RBM39: variants seen among roughly 807,000 people sequenced by gnomAD.
RBM39 encodes RNA binding motif protein 39, also known as RNA-binding protein 39.
In RBM39, 12 loss-of-function variants were observed where a neutral mutation model predicts 79.6. The observed-to-expected ratio is 0.15, with a 90% CI of 0.10 to 0.24. RBM39 has a LOEUF of 0.24. Ranked by LOEUF, RBM39 falls within the 10% of genes least tolerant of loss-of-function variation. The probability of loss-of-function intolerance (pLI) is 1.00; values close to 1 mark genes in which losing one functional copy is unlikely to be tolerated. For missense variants in RBM39, 243 were observed against 653.4 expected, an observed-to-expected ratio of 0.37 and a Z score of 6.85; for synonymous variants, 185 against 208.4, an observed-to-expected ratio of 0.89 and a Z score of 0.97.
At chr20:35,735,229 G>A (rs2039781230) in intron 3 of RBM39, 1 of 1,222,956 alleles carries the variant, frequency 8.2e-7, no homozygotes, top group South Asian at 2.2e-5. Context: ...AATGGACGCT[G>A]ATTTAGACTT....
At chr20:35,719,276 C>T (rs750038201) in intron 9 of RBM39, among the ~76,000 whole-genome samples, 4 of 152,114 alleles carry the variant, frequency 2.6e-5, no homozygotes, top group Admixed American at 6.5e-5. Context: ...AAGTGATCCA[C>T]CCGACTCGGC....
rs574794407 is a variant in RBM39 at position 35,725,661 on chromosome 20, T to C, written c.417-506A>G. The stretch of plus-strand genomic sequence containing the variant: ...CATAATTCCCAAACCCATTTTCTTT[T>C]TTTTTTTTTTTTTTTTCCAGAGGAA... On this transcript the variant is annotated intron_variant, in intron 6 of 16. Coordinates refer to ENST00000253363, the MANE Select transcript of RBM39 (RefSeq NM_184234.3). Among the ~76,000 whole-genome samples the C allele has an allele frequency of 3.3e-3, 453 of 138,882 alleles. 1 individual carries two copies. Among genetic ancestry groups the C allele is most frequent in the Non-Finnish European group, 4.3e-3 (280 of 64,852 alleles). 91.1% of individuals were successfully genotyped at this position (138,882 alleles called of 152,430 possible). A position where few individuals can be genotyped will look rare whatever the true frequency, so the allele number is the denominator to read the frequency against.
chr20:35,724,836 A>T, intron 7 of RBM39, 114 bp from the exon 8 acceptor site: 6 of 1,283,970 alleles, frequency 4.7e-6, no homozygotes, highest in Non-Finnish European at 6.5e-6. Context: ...TAAAAAAGTA[A>T]ATCTGTAGGA....
At chr20:35,734,433 C>T (rs147439399) in intron 3 of RBM39, 64 of 271,230 alleles carry the variant, frequency 2.4e-4, no homozygotes, top group Admixed American at 5.0e-4. Flanking sequence ...CTCTGTGACA[C>T]TATTCCAACT....
At chr20:35,727,187 A>C (rs1424519001) in intron 6 of RBM39, among the ~76,000 whole-genome samples, 4 of 151,934 alleles carry the variant, frequency 2.6e-5, no homozygotes, top group Admixed American at 2.6e-4. Flanking sequence ...CTCTACAAAA[A>C]AAAAATAGAA....
chr20:35,707,050 A>AT (rs1164900412), intron 14 of RBM39, 70 bp downstream of exon 14: 473 of 700,962 alleles, frequency 6.7e-4, no homozygotes, highest in Middle Eastern at 1.4e-3. Flanking sequence ...AAAAAAAAAA[A>AT]AGAGAAATAT....
chr20:35,701,714 A>G lies in RBM39; in HGVS notation c.*2767T>C, dbSNP rs1033740068. ...GGTTGCAGTGAGCTGAGATCGAGCC[A>G]TTGCACTCCAGCCTGGGCGACAGAG... On this transcript the variant is annotated 3_prime_UTR_variant, in exon 17 of 17. Coordinates refer to ENST00000253363, the MANE Select transcript of RBM39 (RefSeq NM_184234.3). 2 of 152,152 alleles carry G rather than the reference A, an allele frequency of 1.3e-5. No individual in the cohort carries two copies. Among genetic ancestry groups the G allele is most frequent in the Admixed American group, 1.3e-4 (2 of 15,262 alleles). The allele number at this position is 152,152 out of a possible 1,614,324, so 9.4% of individuals were successfully genotyped here.
At chr20:35,736,499 T>C (rs1025922050) in intron 3 of RBM39, 7 of 437,750 alleles carry the variant, frequency 1.6e-5, no homozygotes, top group African/African-American at 8.3e-5. Context: ...TTTTATGAAA[T>C]TTTATCAACC....
chr20:35,707,645 A>G (rs895461151), intron 13 of RBM39: 1 of 181,084 alleles, frequency 5.5e-6, no homozygotes. Flanking sequence ...TTTTAAATCT[A>G]CAAATTATTA....
rs2039116136 is a variant in RBM39 at position 35,729,370 on chromosome 20, A to G, written c.363-5T>C. ...TTGCTTCGGGAACGTCGTCTGCTGCAAAGTTAAAAAGTTTCAGAAGTTATC... is the reference window on the plus strand; with the variant it reads ...TTGCTTCGGGAACGTCGTCTGCTGCGAAGTTAAAAAGTTTCAGAAGTTATC... On this transcript the variant is annotated splice_polypyrimidine_tract_variant and splice_region_variant and intron_variant, in intron 5 of 16. Transcript: ENST00000253363. 1 of 1,606,054 alleles carries G rather than the reference A, an allele frequency of 6.2e-7. No homozygotes were observed. The highest frequency in any genetic ancestry group is 8.5e-7 in the Non-Finnish European group (1 of 1,178,214).
chr20:35,723,173 G>GT (rs1368796981), intron 8 of RBM39, among the ~76,000 whole-genome samples: 1 of 150,708 alleles, frequency 6.6e-6, no homozygotes, highest in East Asian at 1.9e-4. Flanking sequence ...ACATAAAACT[G>GT]TATCACCAAG....
chr20:35,719,555 T>C (rs2037633018), intron 9 of RBM39, among the ~76,000 whole-genome samples: 1 of 151,860 alleles, frequency 6.6e-6, no homozygotes, highest in Admixed American at 6.6e-5. Context: ...TCAGAGCCTG[T>C]AATCCCAGCT....
Position 35,726,206 on chromosome 20 carries a change from A to G in RBM39, c.417-1051T>C, listed in dbSNP as rs1321142760. On this transcript the variant is annotated intron_variant, in intron 6 of 16. Transcript: ENST00000253363. ...GAGTGCAGTGGCGCAATCTCGGCTC[A>G]CTGCAACCTCCGCCTCCAGGGTTCA... Among the ~76,000 whole-genome samples, 7 of 151,802 alleles carry G rather than the reference A, an allele frequency of 4.6e-5. No homozygotes were observed. In the East Asian group the frequency reaches 1.4e-3, roughly 29 times the overall value.
rs929904376 is a variant in RBM39 at position 35,725,101 on chromosome 20, A to G, written c.471T>C (p.Cys157=). Residue 157 remains cysteine, a synonymous_variant, in exon 7 of 17, where the codon TGT becomes TGC. Transcript: ENST00000253363. ...PEERDARTVF[C]MQLAARIRPR... ...GTCGAATTCTTGCCGCCAGCTGCATACAGAAGACTGTCCTTGCATCTCTTT... is the reference window on the plus strand; with the variant it reads ...GTCGAATTCTTGCCGCCAGCTGCATGCAGAAGACTGTCCTTGCATCTCTTT... 1 of 1,611,788 alleles carries G rather than the reference A, an allele frequency of 6.2e-7. No homozygotes were observed. The highest frequency in any genetic ancestry group is 1.3e-5 in the African/African-American group (1 of 75,000).
chr20:35,722,056 GGAGGTA>G (rs1378152797), intron 8 of RBM39, among the ~76,000 whole-genome samples, 179 bp from the exon 9 acceptor site: 1 of 152,104 alleles, frequency 6.6e-6, no homozygotes, highest in Non-Finnish European at 1.5e-5. Flanking sequence ...TTCAGAAAGA[GGAGGTA>G]GATAACATTT....
At chr20:35,737,926 G>A (rs148309105) in intron 3 of RBM39, among the ~76,000 whole-genome samples, 30 of 150,802 alleles carry the variant, frequency 2.0e-4, no homozygotes, top group African/African-American at 7.1e-4. Context: ...GGCCACAGCA[G>A]GAGGATCATG....
chr20:35,709,151 T>C lies in RBM39; in HGVS notation c.1225+73A>G, dbSNP rs896463659. ...ACTGGTATAAAAATATGACAATAAATATAGAAAACTGTCTTACTACATTTA... is the reference window on the plus strand; with the variant it reads ...ACTGGTATAAAAATATGACAATAAACATAGAAAACTGTCTTACTACATTTA... On this transcript the variant is annotated intron_variant, in intron 13 of 16. Coordinates refer to ENST00000253363, the MANE Select transcript of RBM39 (RefSeq NM_184234.3). 1.4e-5 allele frequency: 19 copies of C among 1,356,594 alleles called. No homozygotes were observed. The Admixed American group carries it at 3.3e-4, about 24-fold the overall frequency. The allele number at this position is 1,356,594 out of a possible 1,614,324, so 84.0% of individuals were successfully genotyped here.
intron 6 of RBM39, 147 bp from the exon 7 acceptor site, chr20:35,725,302 G>A: frequency 6.9e-6 from 4 of 582,270 alleles, no homozygotes; most frequent in Non-Finnish European, 1.2e-5. Flanking sequence ...TGAATTCTGA[G>A]ATTTTAGTGT....
chr20:35,718,641 C>T (rs191915224), intron 9 of RBM39, among the ~76,000 whole-genome samples: 1 of 151,944 alleles, frequency 6.6e-6, no homozygotes. Flanking sequence ...GAGAAAAACC[C>T]TGTCTCTACT....
Sources: allele counts gnomAD v4.1 joint callset (sites outside exome capture counted in the v4.1 genomes callset), GRCh38; gene constraint gnomAD v4.1.1; transcripts MANE v1.5; gene names NCBI Gene and HGNC (gene_info 2026-07-23, HGNC 2026-07-21).